Variants in GPC5 observed in about 807,000 individuals in gnomAD.
GPC5 encodes the protein glypican-5.
In GPC5, 47 loss-of-function variants were observed where a neutral mutation model predicts 53.9. That is an observed-to-expected ratio of 0.87 (90% confidence interval 0.69 to 1.11). GPC5 has a LOEUF of 1.11. Among genes scored for constraint, GPC5 ranks in the 50% most tolerant of loss-of-function variants. The pLI is 0.00. For synonymous variants in GPC5, 286 were observed against 263.3 expected (o/e 1.09, Z -0.84); for missense variants, 748 against 713.1 (o/e 1.05, Z -0.56).
In GPC5 at chr13:92,552,504, A is replaced by G. The variant is rs536579297; in HGVS notation, c.1562-313778A>G. The stretch of plus-strand genomic sequence containing the variant: ...GAAGATAAATGGAAAAAAATAGCTT[A>G]AAGACTAAACCAGTGCTAAGGCTCA... On this transcript the variant is annotated intron_variant, in intron 7 of 7. Coordinates refer to ENST00000377067, the MANE Select transcript of GPC5 (RefSeq NM_004466.6). Among the ~76,000 whole-genome samples, 7 of 152,096 alleles carry G rather than the reference A, an allele frequency of 4.6e-5. No homozygotes were observed. In the East Asian group the frequency reaches 1.4e-3, roughly 29 times the overall value.
chr13:92,160,693 AGACT>A (rs993730811), intron 7 of GPC5, among the ~76,000 whole-genome samples: 79 of 152,316 alleles, frequency 5.2e-4, no homozygotes, highest in African/African-American at 1.9e-3. Context: ...ATCTCTCTGA[AGACT>A]GACTGACTAA....
intron 2 of GPC5, among the ~76,000 whole-genome samples, chr13:91,467,603 A>G (rs925113406): frequency 6.6e-6 from 1 of 152,032 alleles, no homozygotes. Context: ...TGTTTTTCCA[A>G]GAACATTAGT....
intron 2 of GPC5, among the ~76,000 whole-genome samples, chr13:91,512,132 C>G (rs1349694499): frequency 1.3e-5 from 2 of 152,136 alleles, no homozygotes; most frequent in Non-Finnish European, 2.9e-5. Flanking sequence ...ATTAGCAGAG[C>G]TTGTGATCAA....
At chr13:92,612,569 G>A (rs1217537656) in intron 7 of GPC5, among the ~76,000 whole-genome samples, 2 of 152,034 alleles carry the variant, frequency 1.3e-5, no homozygotes, top group Non-Finnish European at 2.9e-5. Context: ...CACAGTTAGT[G>A]TTATTTCTTG....
chr13:92,802,055 A>G (rs1199802958), intron 7 of GPC5, among the ~76,000 whole-genome samples: 5 of 151,808 alleles, frequency 3.3e-5, no homozygotes, highest in South Asian at 2.1e-4. Flanking sequence ...ACATTCATTC[A>G]TTACTCATTC....
intron 7 of GPC5, among the ~76,000 whole-genome samples, chr13:92,394,024 C>T (rs1242186068): frequency 6.6e-6 from 1 of 151,868 alleles, no homozygotes; most frequent in Non-Finnish European, 1.5e-5. Flanking sequence ...CAGAGGTCTG[C>T]CAGGAATAAT....
chr13:92,739,982 G>C (rs893727861), intron 7 of GPC5, among the ~76,000 whole-genome samples: 1 of 151,956 alleles, frequency 6.6e-6, no homozygotes, highest in African/African-American at 2.4e-5. Flanking sequence ...AAAGTCACCA[G>C]TGACTTCCAT....
chr13:92,112,976 A>T (rs1825019091), intron 6 of GPC5, among the ~76,000 whole-genome samples: 1 of 152,158 alleles, frequency 6.6e-6, no homozygotes, highest in Non-Finnish European at 1.5e-5. Context: ...CAACCAAAAT[A>T]TTAAGTTTAT....
chr13:92,385,720 C>T (rs1320125968), intron 7 of GPC5, among the ~76,000 whole-genome samples: 1 of 130,926 alleles, frequency 7.6e-6, no homozygotes, highest in African/African-American at 2.8e-5. Context: ...CACATATATA[C>T]ATATATACAT....
At chr13:92,508,859 T>G (rs1478486889) in intron 7 of GPC5, among the ~76,000 whole-genome samples, 1 of 152,186 alleles carries the variant, frequency 6.6e-6, no homozygotes, top group Admixed American at 6.5e-5. Flanking sequence ...GTAATTGAAA[T>G]CAGAAGACGG....
chr13:92,187,955 T>A (rs913929598), intron 7 of GPC5, among the ~76,000 whole-genome samples: 10 of 152,318 alleles, frequency 6.6e-5, no homozygotes, highest in African/African-American at 2.4e-4. Flanking sequence ...ACTGACATTT[T>A]ATTATTTATT....
At chr13:92,448,501 ATAT>A (rs1252981703) in intron 7 of GPC5, 3 of 146,464 alleles carry the variant, frequency 2.0e-5, no homozygotes, top group East Asian at 2.0e-4. Context: ...ATCTACTGTA[ATAT>A]TATGAGATAA....
intron 7 of GPC5, among the ~76,000 whole-genome samples, chr13:92,574,102 A>T (rs1257577926): frequency 2.0e-5 from 3 of 152,156 alleles, no homozygotes; most frequent in Admixed American, 6.5e-5. Flanking sequence ...CCTTGTAGTT[A>T]TGTTACTCTC....
chr13:91,518,532 TA>T (rs1263046849), intron 2 of GPC5, among the ~76,000 whole-genome samples: 1 of 152,196 alleles, frequency 6.6e-6, no homozygotes, highest in East Asian at 1.9e-4. Flanking sequence ...TAGCTCCATG[TA>T]CTAGATGGAG....
intron 7 of GPC5, among the ~76,000 whole-genome samples, chr13:92,589,621 A>C (rs1883654522): frequency 6.6e-6 from 1 of 152,204 alleles, no homozygotes; most frequent in African/African-American, 2.4e-5. Flanking sequence ...TCTCCAACCC[A>C]AATAGTTACT....
chr13:91,886,942 T>C (rs1012832244), intron 5 of GPC5, among the ~76,000 whole-genome samples: 1 of 152,166 alleles, frequency 6.6e-6, no homozygotes, highest in Non-Finnish European at 1.5e-5. Context: ...TTCTAGGGTC[T>C]GGAGGATGGT....
intron 6 of GPC5, among the ~76,000 whole-genome samples, chr13:92,102,067 G>A (rs1485825038): frequency 1.3e-5 from 2 of 152,276 alleles, no homozygotes; most frequent in Admixed American, 6.5e-5. Flanking sequence ...GCATTCATAA[G>A]TGTGTATTTA....
intron 6 of GPC5, among the ~76,000 whole-genome samples, chr13:92,032,536 A>G (rs1483331155): frequency 2.0e-5 from 3 of 152,000 alleles, no homozygotes; most frequent in Non-Finnish European, 4.4e-5. Flanking sequence ...TTTTTCAACC[A>G]AGTGAGTGGC....
intron 7 of GPC5, among the ~76,000 whole-genome samples, chr13:92,246,670 T>C (rs1207158284): frequency 6.6e-6 from 1 of 152,126 alleles, no homozygotes; most frequent in Non-Finnish European, 1.5e-5. Flanking sequence ...TCTACTAAAA[T>C]ATAAAGTCCA....
Sources: allele counts gnomAD v4.1 joint callset (sites outside exome capture counted in the v4.1 genomes callset), GRCh38; gene constraint gnomAD v4.1.1; transcripts MANE v1.5; gene names NCBI Gene and HGNC (gene_info 2026-07-23, HGNC 2026-07-21).